Variants in C10orf67 observed in about 807,000 individuals in gnomAD.
C10orf67 encodes the protein chromosome 10 open reading frame 67, also known as uncharacterized protein C10orf67, mitochondrial.
Under a neutral mutation model 35.6 loss-of-function variants are expected in C10orf67, and 60 were observed. The ratio of observed to expected loss-of-function variants is 1.68; its 90% CI spans 1.37 to 2.09. C10orf67 has a LOEUF of 2.09. Among genes scored for constraint, C10orf67 ranks in the 30% most tolerant of loss-of-function variants. The probability of loss-of-function intolerance (pLI) is 0.00; values close to 1 mark genes in which losing one functional copy is unlikely to be tolerated. For missense variants in C10orf67, 474 were observed against 330.2 expected, an observed-to-expected ratio of 1.44 and a Z score of -3.38; for synonymous variants, 167 against 115.8, an observed-to-expected ratio of 1.44 and a Z score of -2.84.
At chr10:23,246,298 A>C (rs748110907) in intron 12 of C10orf67, among the ~76,000 whole-genome samples, 14 of 152,164 alleles carry the variant, frequency 9.2e-5, no homozygotes, top group Non-Finnish European at 1.9e-4. Context: ...CAAACCCCTA[A>C]GACATGCAAG....
At chr10:23,274,821 A>T (rs929089936) in intron 8 of C10orf67, among the ~76,000 whole-genome samples, 35 of 152,150 alleles carry the variant, frequency 2.3e-4, no homozygotes, top group Admixed American at 9.2e-4. Flanking sequence ...TAAAAGTATT[A>T]ATTTTGGGAA....
intron 8 of C10orf67, among the ~76,000 whole-genome samples, chr10:23,272,861 T>G (rs1479509703): frequency 1.3e-5 from 2 of 152,218 alleles, no homozygotes; most frequent in African/African-American, 4.8e-5. Context: ...GTCTTTCATT[T>G]ATTTCAGCAG....
intron 10 of C10orf67, among the ~76,000 whole-genome samples, chr10:23,257,778 G>A (rs1375386398): frequency 1.3e-5 from 2 of 151,428 alleles, no homozygotes; most frequent in Admixed American, 6.6e-5. Flanking sequence ...ACTCCAACCT[G>A]GGTGACAGAG....
chr10:23,309,302 A>G (rs1844406704), intron 4 of C10orf67, among the ~76,000 whole-genome samples: 1 of 152,294 alleles, frequency 6.6e-6, no homozygotes, highest in Admixed American at 6.5e-5. Flanking sequence ...AAAACTAAAT[A>G]CCACATGTTC....
chr10:23,249,563 G>A (rs1033631644), intron 12 of C10orf67, among the ~76,000 whole-genome samples: 1 of 152,186 alleles, frequency 6.6e-6, no homozygotes, highest in African/African-American at 2.4e-5. Flanking sequence ...TCTTGGCATG[G>A]ATTCTTTGTG....
intron 8 of C10orf67, among the ~76,000 whole-genome samples, chr10:23,268,908 A>C (rs556975789): frequency 6.6e-5 from 10 of 152,360 alleles, no homozygotes; most frequent in African/African-American, 2.2e-4. Flanking sequence ...ATATTCAAAC[A>C]TAGAAAAGTT....
intron 13 of C10orf67, among the ~76,000 whole-genome samples, chr10:23,237,874 A>G (rs1008192550): frequency 6.6e-6 from 1 of 152,238 alleles, no homozygotes; most frequent in Non-Finnish European, 1.5e-5. Context: ...GTTACAAAGC[A>G]AAACTCTTCA....
In C10orf67 at chr10:23,305,345, G is replaced by A. The variant is rs567151106; in HGVS notation, c.547-1886C>T. The stretch of plus-strand genomic sequence containing the variant: ...TTAACAAAATTAGAAGTTTAATAAA[G>A]CAATAGTAAATGCTAGGCATGGTGG... On this transcript the variant is annotated intron_variant, in intron 4 of 15. Coordinates refer to ENST00000636213, the MANE Select transcript of C10orf67 (RefSeq NM_001371909.1). Among the ~76,000 whole-genome samples, 44 of 152,242 alleles carry A rather than the reference G, an allele frequency of 2.9e-4. No homozygotes were observed. The South Asian group carries it at 8.1e-3, about 28-fold the overall frequency.
Position 23,204,710 on chromosome 10 carries a change from T to C in C10orf67, c.1571-455A>G, listed in dbSNP as rs117514012. Among the ~76,000 whole-genome samples, 462 of 152,312 alleles carry C rather than the reference T, an allele frequency of 3.0e-3. 12 individuals carry two copies. In the East Asian group the frequency reaches 0.05, roughly 16 times the overall value. ...ACGGGGCCTGTGAAATAGAAAATTA[T>C]GAATGAGAAGGAAAGGAAACCACAT... On this transcript the variant is annotated intron_variant, in intron 15 of 15. Coordinates refer to ENST00000636213, the MANE Select transcript of C10orf67 (RefSeq NM_001371909.1).
chr10:23,215,153 A>G (rs940346631), intron 15 of C10orf67, among the ~76,000 whole-genome samples: 7 of 152,236 alleles, frequency 4.6e-5, no homozygotes, highest in African/African-American at 1.7e-4. Flanking sequence ...TCTAGAAAAA[A>G]TGTTGCTGCA....
intron 7 of C10orf67, 65 bp downstream of exon 7, chr10:23,289,835 T>G: frequency 1.4e-6 from 1 of 705,076 alleles, no homozygotes; most frequent in Non-Finnish European, 2.6e-6. Flanking sequence ...CACAGTGTTA[T>G]TTGGCCAATT....
At chr10:23,255,395 G>A (rs1842573307) in intron 10 of C10orf67, among the ~76,000 whole-genome samples, 1 of 152,176 alleles carries the variant, frequency 6.6e-6, no homozygotes. Context: ...GGGCTCGGAG[G>A]CATCTTGGTA....
Position 23,254,440 on chromosome 10 carries a change from T to A in C10orf67, c.1201-3749A>T, listed in dbSNP as rs577943956. 1.6e-3 allele frequency among the ~76,000 whole-genome samples: 241 copies of A among 152,250 alleles called. 1 individual carries two copies. Among genetic ancestry groups the A allele is most frequent in the African/African-American group, 5.5e-3 (227 of 41,548 alleles). On this transcript the variant is annotated intron_variant, in intron 10 of 15. Transcript: ENST00000636213. ...GGCCACGCTGGTCTTGAACTCCTGA[T>A]CTCAGGTGATCCACCCACCTTGGCC...
chr10:23,258,225 C>T, intron 10 of C10orf67: 1 of 163,914 alleles, frequency 6.1e-6, no homozygotes, highest in Non-Finnish European at 1.4e-5. Flanking sequence ...TGCCATCCCA[C>T]ACCAATCTGG....
chr10:23,254,348 C>T (rs1426815862), intron 10 of C10orf67, among the ~76,000 whole-genome samples: 2 of 152,076 alleles, frequency 1.3e-5, no homozygotes, highest in Non-Finnish European at 2.9e-5. Context: ...GCTGGGATTA[C>T]AGGTGCCTGC....
At chr10:23,231,929 T>C (rs914596643) in intron 13 of C10orf67, among the ~76,000 whole-genome samples, 6 of 152,044 alleles carry the variant, frequency 3.9e-5, no homozygotes, top group African/African-American at 9.7e-5. Context: ...ACTTATTTTT[T>C]ATTTCTAGAA....
Position 23,223,493 on chromosome 10 carries a change from C to T in C10orf67, c.1570+105G>A, listed in dbSNP as rs563014030. 19 of 683,186 alleles carry T rather than the reference C, an allele frequency of 2.8e-5. No individual in the cohort carries two copies. In the African/African-American group the frequency reaches 3.4e-4, roughly 12 times the overall value. 42.3% of individuals were successfully genotyped at this position (683,186 alleles called of 1,614,324 possible). On this transcript the variant is annotated intron_variant, in intron 15 of 15. Transcript: ENST00000636213. ...AAGTGGCTGAAAAAAGTCATGCATTCACCCAGAATACCAAATACCTCAGGG... is the reference window on the plus strand; with the variant it reads ...AAGTGGCTGAAAAAAGTCATGCATTTACCCAGAATACCAAATACCTCAGGG...
At chr10:23,242,346 G>T (rs1842206447) in intron 12 of C10orf67, among the ~76,000 whole-genome samples, 1 of 152,146 alleles carries the variant, frequency 6.6e-6, no homozygotes, top group African/African-American at 2.4e-5. Context: ...CTTCAATAAT[G>T]AAGATAAAAT....
Position 23,303,448 on chromosome 10 carries a change from C to A in C10orf67, c.558G>T (p.Glu186Asp). The A allele has an allele frequency of 1.8e-6, 1 of 561,202 alleles. No homozygotes were observed. Among genetic ancestry groups the A allele is most frequent in the Non-Finnish European group, 3.2e-6 (1 of 311,540 alleles). The allele number at this position is 561,202 out of a possible 1,614,324, so 34.8% of individuals were successfully genotyped here. ...VIKGMYQQFF[E>D]VEEENVSLQD... ...GCAAAGAAACATTCTCTTCTTCTACCTCAAAGAATTGCTAGGGACAAAAAA... is the reference window on the plus strand; with the variant it reads ...GCAAAGAAACATTCTCTTCTTCTACATCAAAGAATTGCTAGGGACAAAAAA... The change falls in exon 5 of 16, where the codon GAG (glutamate) becomes GAT (aspartate). Residue 186 changes from glutamate to aspartate, a missense_variant. By Grantham distance (45) the Glu-to-Asp change is conservative (BLOSUM62 2). Transcript: ENST00000636213.
Sources: allele counts gnomAD v4.1 joint callset (sites outside exome capture counted in the v4.1 genomes callset), GRCh38; gene constraint gnomAD v4.1.1; transcripts MANE v1.5; gene names NCBI Gene and HGNC (gene_info 2026-07-23, HGNC 2026-07-21).